ITPK1: variants seen among roughly 807,000 people sequenced by gnomAD.
The protein encoded by ITPK1 is inositol 1,3,4-trisphosphate 5/6-kinase.
A neutral mutation model predicts 45.3 loss-of-function variants in ITPK1; 21 were observed. That is an observed-to-expected ratio of 0.46 (90% confidence interval 0.33 to 0.67). The LOEUF (loss-of-function observed/expected upper bound fraction) is 0.67, where lower values mean the gene tolerates loss of function less well. Ranked by LOEUF, ITPK1 falls within the 30% of genes least tolerant of loss-of-function variation. The pLI is 0.02. For missense variants in ITPK1, 474 were observed against 573.5 expected (o/e 0.83, Z 1.77); for synonymous variants, 258 against 253.6 (o/e 1.02, Z -0.16).
intron 4 of ITPK1, among the ~76,000 whole-genome samples, chr14:93,011,636 C>G (rs976543888): frequency 6.6e-6 from 1 of 152,146 alleles, no homozygotes; most frequent in Non-Finnish European, 1.5e-5. Context: ...TGCTCAGAGG[C>G]CAGCCTTCAT....
intron 7 of ITPK1, among the ~76,000 whole-genome samples, chr14:92,959,853 G>A (rs1884962449): frequency 6.6e-6 from 1 of 152,234 alleles, no homozygotes; most frequent in African/African-American, 2.4e-5. Context: ...TTTTGGTTGA[G>A]TCTCGGGCTG....
intron 4 of ITPK1, among the ~76,000 whole-genome samples, chr14:93,011,986 A>G (rs1887933393): frequency 6.6e-6 from 1 of 151,596 alleles, no homozygotes; most frequent in Admixed American, 6.6e-5. Flanking sequence ...ACCTGGAGAC[A>G]TCGCCGCACA....
chr14:92,974,341 GT>G (rs914356109), intron 5 of ITPK1, among the ~76,000 whole-genome samples: 2 of 152,188 alleles, frequency 1.3e-5, no homozygotes, highest in African/African-American at 4.8e-5. Context: ...GTTGTGTTTT[GT>G]TTGTGAAGAC....
chr14:93,075,860 C>T (rs1891199277), intron 3 of ITPK1, among the ~76,000 whole-genome samples: 1 of 140,444 alleles, frequency 7.1e-6, no homozygotes, highest in South Asian at 2.3e-4. Context: ...CTGCACAGAC[C>T]ACAGTCACCC....
At chr14:93,024,628 A>C (rs1206744191) in intron 3 of ITPK1, among the ~76,000 whole-genome samples, 1 of 152,150 alleles carries the variant, frequency 6.6e-6, no homozygotes, top group Non-Finnish European at 1.5e-5. Context: ...CCTCCACCAG[A>C]ACTACCGGGA....
chr14:93,065,525 C>T (rs185064112), intron 3 of ITPK1, among the ~76,000 whole-genome samples: 6 of 152,310 alleles, frequency 3.9e-5, no homozygotes, highest in African/African-American at 1.2e-4. Flanking sequence ...TTCCATTTTA[C>T]AGAAGAATAA....
intron 2 of ITPK1, among the ~76,000 whole-genome samples, chr14:93,082,237 G>A (rs969341308): frequency 6.6e-6 from 1 of 152,194 alleles, no homozygotes; most frequent in African/African-American, 2.4e-5. Flanking sequence ...GGAGCAGACT[G>A]AGGCCCTGCG....
intron 8 of ITPK1, among the ~76,000 whole-genome samples, chr14:92,957,202 A>C (rs1884784569): frequency 6.6e-6 from 1 of 152,226 alleles, no homozygotes. Flanking sequence ...GCTCAGCTGG[A>C]GGTAAAACAG....
At position 93,036,588 on chromosome 14, in the gene ITPK1, C is replaced by T. The variant is rs897775244; in HGVS notation, c.121-19787G>A. 2.0e-5 allele frequency among the ~76,000 whole-genome samples: 3 copies of T among 151,594 alleles called. No individual in the cohort carries two copies. Among genetic ancestry groups the T allele is most frequent in the East Asian group, 2.0e-4 (1 of 5,126 alleles). On this transcript the variant is annotated intron_variant, in intron 3 of 10. Coordinates refer to ENST00000267615, the MANE Select transcript of ITPK1 (RefSeq NM_014216.6). This position sits in a 1 kb window ranked among gnomAD's most constrained non-coding sequence, Gnocchi z 4.1. ...CCTAACCCCCAGCCACTCTCCCCGGCGTTCTGTGGCCCACACCCCTCATGA... is the reference window on the plus strand; with the variant it reads ...CCTAACCCCCAGCCACTCTCCCCGGTGTTCTGTGGCCCACACCCCTCATGA...
chr14:93,071,848 T>A (rs1375902898), intron 3 of ITPK1: 3 of 152,080 alleles, frequency 2.0e-5, no homozygotes, highest in African/African-American at 7.2e-5. Flanking sequence ...AATGTTTTAA[T>A]TTTTTTTAAT....
intron 2 of ITPK1, among the ~76,000 whole-genome samples, chr14:93,084,978 T>C (rs1891589141): frequency 1.3e-5 from 2 of 152,208 alleles, no homozygotes. Context: ...AAGATGGCTC[T>C]TTATTTCAGC....
intron 7 of ITPK1, among the ~76,000 whole-genome samples, chr14:92,961,990 C>T (rs1432843443): frequency 6.6e-6 from 1 of 152,246 alleles, no homozygotes; most frequent in Non-Finnish European, 1.5e-5. Context: ...GGCACCTTGA[C>T]CTGGGACTTT....
At chr14:93,003,973 G>A (rs961554316) in intron 4 of ITPK1, among the ~76,000 whole-genome samples, 1 of 152,246 alleles carries the variant, frequency 6.6e-6, no homozygotes, top group Non-Finnish European at 1.5e-5. Context: ...TGCCTCTTAA[G>A]TTCTAGATTA....
chr14:92,991,350 A>G (rs1210231795), intron 5 of ITPK1, among the ~76,000 whole-genome samples: 1 of 152,084 alleles, frequency 6.6e-6, no homozygotes, highest in Non-Finnish European at 1.5e-5. Flanking sequence ...GCCCTCCTGG[A>G]AGAATACAAG....
In ITPK1 at chr14:93,029,286, C is replaced by G. The variant is rs8003441; in HGVS notation, c.121-12485G>C. On this transcript the variant is annotated intron_variant, in intron 3 of 10. Transcript: ENST00000267615. ...CCCTAGAGCCAACACCTCACACTGC[C>G]CGCCCCTCACCTCCACCTGGGGTCT... Among the ~76,000 whole-genome samples the G allele has an allele frequency of 8.5e-3, 1,293 of 152,166 alleles. 19 individuals carry two copies. Among genetic ancestry groups the G allele is most frequent in the African/African-American group, 0.03 (1,239 of 41,500 alleles).
Position 92,981,786 on chromosome 14 carries a change from G to A in ITPK1, c.364+12094C>T, listed in dbSNP as rs150445612. On this transcript the variant is annotated intron_variant, in intron 5 of 10. Coordinates refer to ENST00000267615, the MANE Select transcript of ITPK1 (RefSeq NM_014216.6). ...TGACGAAACAGTGGAATGAATGTGC[G>A]ATGAGGGCAGCAAAGGGTCTGTGAG... Among the ~76,000 whole-genome samples, 272 of 152,380 alleles carry A rather than the reference G, an allele frequency of 1.8e-3. 1 individual carries two copies. The highest frequency in any genetic ancestry group is 5.9e-3 in the African/African-American group (245 of 41,590).
At chr14:93,096,636 A>G (rs1238598683) in intron 2 of ITPK1, among the ~76,000 whole-genome samples, 1 of 152,208 alleles carries the variant, frequency 6.6e-6, no homozygotes, top group Non-Finnish European at 1.5e-5. Context: ...CAGCACAAGG[A>G]GAAGGAGAGA....
At position 92,965,556 on chromosome 14, in the gene ITPK1, T is replaced by C. The variant is rs571051556; in HGVS notation, c.365-2707A>G. The stretch of plus-strand genomic sequence containing the variant: ...AGGGAAGAAGTGAAACCATCTCTAC[T>C]TGCAGATAATAGGATCTTATACATA... On this transcript the variant is annotated intron_variant, in intron 5 of 10. Coordinates refer to ENST00000267615, the MANE Select transcript of ITPK1 (RefSeq NM_014216.6). 4.1e-4 allele frequency among the ~76,000 whole-genome samples: 62 copies of C among 152,300 alleles called. 1 individual carries two copies. In the Middle Eastern group the frequency reaches 0.01, roughly 25 times the overall value.
chr14:92,945,648 C>T (rs569388472), intron 10 of ITPK1, among the ~76,000 whole-genome samples: 106 of 152,326 alleles, frequency 7.0e-4, no homozygotes, highest in African/African-American at 2.5e-3. Context: ...GGGCGAGGCA[C>T]GCAGCCTGGT....
Sources: allele counts gnomAD v4.1 joint callset (sites outside exome capture counted in the v4.1 genomes callset), GRCh38; gene constraint gnomAD v4.1.1; non-coding constraint Gnocchi (gnomAD v3.1); transcripts MANE v1.5; gene names NCBI Gene and HGNC (gene_info 2026-07-23, HGNC 2026-07-21).